Variants in BIRC6 observed in about 807,000 individuals in gnomAD.
BIRC6 encodes the protein dual E2 ubiquitin-conjugating enzyme/E3 ubiquitin-protein ligase BIRC6.
In BIRC6, 98 loss-of-function variants were observed where a neutral mutation model predicts 503.3. The ratio of observed to expected loss-of-function variants is 0.19; its 90% confidence interval spans 0.17 to 0.23. The LOEUF is 0.23. BIRC6 is among the 10% of genes least tolerant of loss of function. The pLI is 1.00. For missense variants in BIRC6, 5,360 were observed against 5,806.0 expected, an observed-to-expected ratio of 0.92 and a Z score of 2.50; for synonymous variants, 2,240 against 2,078.7, an observed-to-expected ratio of 1.08 and a Z score of -2.11.
At chr2:32,598,652 G>A (rs868817609) in intron 69 of BIRC6, among the ~76,000 whole-genome samples, 4 of 152,064 alleles carry the variant, frequency 2.6e-5, no homozygotes, top group Non-Finnish European at 5.9e-5. Flanking sequence ...TTAATTCATG[G>A]GTTAAACATT....
chr2:32,519,813 T>C (rs532125888), intron 57 of BIRC6, among the ~76,000 whole-genome samples: 95 of 152,332 alleles, frequency 6.2e-4, no homozygotes, highest in African/African-American at 2.2e-3. Context: ...CTACCGCGCC[T>C]GGCCCATATC....
At chr2:32,455,771 G>C in intron 23 of BIRC6, among the ~76,000 whole-genome samples, 1 of 152,166 alleles carries the variant, frequency 6.6e-6, no homozygotes, top group Admixed American at 6.5e-5. Flanking sequence ...TTCTCCCCCT[G>C]CAAAGCAAGC....
At position 32,377,604 on chromosome 2, in the gene BIRC6, G is replaced by T. The variant is rs2037007104; in HGVS notation, c.342G>T (p.Gln114His). The change falls in exon 2 of 74, where the codon CAG becomes CAT. Residue 114 changes from glutamine (Q) to histidine (H), a missense_variant. By Grantham distance (24) the Gln-to-His change is conservative. Around this residue, in one of 16 missense-constraint regions of BIRC6, gnomAD observed 47 missense variants for 93.3 expected, o/e 0.50. Coordinates refer to ENST00000421745, the MANE Select transcript of BIRC6 (RefSeq NM_016252.4). Reference sequence around the variant, plus strand: ...TTTTAACAGCTAAACCAGGTGGACAGGTGAAATGTCAGTATATCTCTGCTG... The same window carrying T: ...TTTTAACAGCTAAACCAGGTGGACATGTGAAATGTCAGTATATCTCTGCTG... ...ASALSAKPGG[Q>H]VKCQYISAVD... 1.2e-6 allele frequency: 2 copies of T among 1,608,212 alleles called. No individual in the cohort carries two copies. The highest frequency in any genetic ancestry group is 1.7e-6 in the Non-Finnish European group (2 of 1,177,968).
At position 32,392,051 on chromosome 2, in the gene BIRC6, T is replaced by C; in HGVS notation, c.852T>C (p.Tyr284=). The change falls in exon 5 of 74, where the codon TAT becomes TAC. Residue 284 remains tyrosine (Y), a synonymous_variant. Transcript: ENST00000421745. ...PGRSVDRSLM[Y]SEANRRETFT... The stretch of plus-strand genomic sequence containing the variant: ...TGTTTACTTTTAGATCACTGATGTA[T>C]AGTGAAGCTAACAGACGGGAGACAT... The C allele has an allele frequency of 6.3e-7, 1 of 1,579,292 alleles. No individual in the cohort carries two copies. The highest frequency in any genetic ancestry group is 8.6e-7 in the Non-Finnish European group (1 of 1,159,094).
Position 32,513,032 on chromosome 2 carries a change from A to G in BIRC6, c.10446A>G (p.Val3482=), listed in dbSNP as rs1450132035. ...ACATGTGTCCTAACTCCTCAACAGT[A>G]GAGTATGGTCTTCTGATGCCATCTC... ...MNYMCPNSST[V]EYGLLMPSPS... is the part of the protein sequence containing the mutation. Residue 3482 remains valine, a synonymous_variant, in exon 54 of 74, where the codon GTA becomes GTG. Coordinates refer to ENST00000421745, the MANE Select transcript of BIRC6 (RefSeq NM_016252.4). 2 of 1,613,940 alleles carry G rather than the reference A, an allele frequency of 1.2e-6. No individual in the cohort carries two copies. The highest frequency in any genetic ancestry group is 1.3e-5 in the African/African-American group (1 of 75,060).
chr2:32,510,474 A>C (rs1472343936), intron 52 of BIRC6, 52 bp from the exon 53 acceptor site: 2 of 1,047,636 alleles, frequency 1.9e-6, no homozygotes. Context: ...AAATCTTCCC[A>C]TGGTTAACTT....
chr2:32,451,457 GA>G, intron 22 of BIRC6, among the ~76,000 whole-genome samples: 1 of 152,270 alleles, frequency 6.6e-6, no homozygotes, highest in African/African-American at 2.4e-5. Flanking sequence ...TATCGATTGT[GA>G]AAAAGCATGG....
At chr2:32,521,643 AT>A (rs34394759) in intron 57 of BIRC6, among the ~76,000 whole-genome samples, 94,782 of 140,876 alleles carry the variant, frequency 0.67, 31,544 homozygotes, top group African/African-American at 0.71. Flanking sequence ...TAATTTTTGT[AT>A]TTTTTTTTTT....
chr2:32,609,285 C>T (rs1035252395), intron 72 of BIRC6, among the ~76,000 whole-genome samples: 1 of 147,552 alleles, frequency 6.8e-6, no homozygotes, highest in Non-Finnish European at 1.5e-5. Flanking sequence ...AAGTGTGGCT[C>T]TGTGTGTGTG....
At chr2:32,555,038 A>G (rs1014675125) in intron 65 of BIRC6, among the ~76,000 whole-genome samples, 1 of 152,170 alleles carries the variant, frequency 6.6e-6, no homozygotes, top group East Asian at 1.9e-4. Flanking sequence ...TAGAAAATAC[A>G]TAATTTTTAT....
intron 10 of BIRC6, among the ~76,000 whole-genome samples, chr2:32,428,071 A>G (rs1351434951): frequency 6.6e-6 from 1 of 152,174 alleles, no homozygotes; most frequent in Non-Finnish European, 1.5e-5. Flanking sequence ...CCAAAGATTG[A>G]TAGGTTTGGT....
At chr2:32,437,819 G>A (rs2044900007) in intron 15 of BIRC6, among the ~76,000 whole-genome samples, 2 of 152,086 alleles carry the variant, frequency 1.3e-5, no homozygotes, top group South Asian at 2.1e-4. Flanking sequence ...TTAGGTTTTC[G>A]AGATGTTATG....
intron 45 of BIRC6, among the ~76,000 whole-genome samples, chr2:32,498,710 C>CA (rs1410311098): frequency 6.6e-6 from 1 of 152,132 alleles, no homozygotes; most frequent in East Asian, 1.9e-4. Flanking sequence ...GCTTCAGCCT[C>CA]CTGAGTAGCT....
intron 28 of BIRC6, 83 bp downstream of exon 28, chr2:32,468,194 CTT>C (rs548016867): frequency 4.0e-4 from 562 of 1,393,778 alleles, no homozygotes; most frequent in Non-Finnish European, 5.1e-4. Context: ...CAAGAAATGT[CTT>C]TTCATAGGTG....
At chr2:32,470,138 T>A in intron 30 of BIRC6, 30 bp from the exon 31 acceptor site, 1 of 1,436,380 alleles carries the variant, frequency 7.0e-7, no homozygotes, top group Non-Finnish European at 9.2e-7. Context: ...TGATTCTTAT[T>A]CTTTTCTTTT....
Position 32,617,863 on chromosome 2 carries a change from C to A in BIRC6, c.14533C>A (p.Pro4845Thr). 4 of 1,613,858 alleles carry A rather than the reference C, an allele frequency of 2.5e-6. No individual in the cohort carries two copies. The highest frequency in any genetic ancestry group is 3.3e-4 in the Middle Eastern group (2 of 6,062). ...GACTCTAATGCATGATCAGGTTAAACCCAGCAGCAGCAAAGAACTCCCCAG... is the reference window on the plus strand; with the variant it reads ...GACTCTAATGCATGATCAGGTTAAAACCAGCAGCAGCAAAGAACTCCCCAG... ...EETLMHDQVK[P>T]SSSKELPSDF... The change falls in exon 74 of 74, where the codon CCC (proline) becomes ACC (threonine). Residue 4845 changes from proline (P) to threonine (T), a missense_variant. By Grantham distance (38) the Pro-to-Thr change is conservative. Around this residue, in one of 16 missense-constraint regions of BIRC6, gnomAD observed 140 missense variants for 130.2 expected, o/e 1.07. Transcript: ENST00000421745.
intron 65 of BIRC6, among the ~76,000 whole-genome samples, chr2:32,571,400 T>G (rs78742892): frequency 6.8e-6 from 1 of 147,570 alleles, no homozygotes; most frequent in East Asian, 2.0e-4. Context: ...TTTTTTTTTT[T>G]TTGTTGGGAG....
At chr2:32,565,829 G>A (rs1168901470) in intron 65 of BIRC6, 1 of 152,198 alleles carries the variant, frequency 6.6e-6, no homozygotes, top group African/African-American at 2.4e-5. Context: ...GAGCAACGCA[G>A]TGAGAGCCCC....
chr2:32,525,722 G>C (rs954123843), intron 59 of BIRC6, 94 bp downstream of exon 59: 2 of 1,289,088 alleles, frequency 1.6e-6, no homozygotes, highest in African/African-American at 3.0e-5. Flanking sequence ...TTTTAATCAG[G>C]TGCCATTGAT....
Sources: allele counts gnomAD v4.1 joint callset (sites outside exome capture counted in the v4.1 genomes callset), GRCh38; gene constraint gnomAD v4.1.1; regional missense constraint gnomAD v4.1.1; transcripts MANE v1.5; gene names NCBI Gene and HGNC (gene_info 2026-07-23, HGNC 2026-07-21).